The following TMEM117 variants were observed in gnomAD, a reference collection of about 807,000 sequenced individuals.
TMEM117 encodes transmembrane protein 117.
A neutral mutation model predicts 52.4 loss-of-function variants in TMEM117; 27 were observed. The observed-to-expected ratio is 0.51, with a 90% CI of 0.38 to 0.71. The LOEUF (loss-of-function observed/expected upper bound fraction) is 0.71, where lower values mean the gene tolerates loss of function less well. Among genes scored for constraint, TMEM117 ranks in the 30% least tolerant of loss-of-function variants. The pLI, the probability that TMEM117 is intolerant of heterozygous loss-of-function variation, is 0.00. For missense variants in TMEM117, 556 were observed against 630.5 expected (o/e 0.88, Z 1.26); for synonymous variants, 215 against 206.3 (o/e 1.04, Z -0.36).
At chr12:44,369,127 A>G (rs549413021) in intron 6 of TMEM117, among the ~76,000 whole-genome samples, 11 of 152,202 alleles carry the variant, frequency 7.2e-5, no homozygotes, top group African/African-American at 2.6e-4. Context: ...AGGAGTACTG[A>G]TTTTCCATTA....
the TMEM117 span, chr12:43,797,834 C>G: frequency 1.2e-6 from 2 of 1,609,370 alleles, no homozygotes; most frequent in Non-Finnish European, 1.7e-6. Context: ...CAGTCTGTAC[C>G]TAAGTATGAC....
chr12:44,293,403 A>G (rs1950729832), intron 5 of TMEM117, among the ~76,000 whole-genome samples: 1 of 152,080 alleles, frequency 6.6e-6, no homozygotes, highest in Non-Finnish European at 1.5e-5. Flanking sequence ...TTTTAGATTG[A>G]AGAATGTAAT....
chr12:44,284,706 T>C (rs1369823108), intron 5 of TMEM117, among the ~76,000 whole-genome samples: 2 of 152,226 alleles, frequency 1.3e-5, no homozygotes, highest in African/African-American at 4.8e-5. Flanking sequence ...AATAGATGAA[T>C]TTATTCATTC....
chr12:44,191,707 A>G (rs531763234), intron 4 of TMEM117, among the ~76,000 whole-genome samples: 17 of 152,134 alleles, frequency 1.1e-4, no homozygotes, highest in Non-Finnish European at 2.4e-4. Flanking sequence ...CAATCATGTC[A>G]CGAATGCAGG....
chr12:44,176,051 G>T (rs973079892), intron 4 of TMEM117, among the ~76,000 whole-genome samples: 2 of 152,048 alleles, frequency 1.3e-5, no homozygotes, highest in Admixed American at 1.3e-4. Context: ...AGGGGGAGAT[G>T]GGAATAAGGA....
At chr12:44,327,149 G>GA (rs1785488076) in intron 6 of TMEM117, among the ~76,000 whole-genome samples, 1 of 151,618 alleles carries the variant, frequency 6.6e-6, no homozygotes, top group Non-Finnish European at 1.5e-5. Context: ...TCTCTTCTAA[G>GA]AACCTTAACA....
Position 44,266,348 on chromosome 12 carries a change from A to T in TMEM117, c.609-33232A>T, listed in dbSNP as rs1221073190. Among the ~76,000 whole-genome samples, 3 of 151,946 alleles carry T rather than the reference A, an allele frequency of 2.0e-5. No homozygotes were observed. The East Asian group carries it at 5.8e-4, about 29-fold the overall frequency. ...CCTAGTGGATGTGAACTGCTATCTC[A>T]TTTTGATTTGCATTTTCCTAATGAC... is the stretch of plus-strand genomic sequence containing the variant. On this transcript the variant is annotated intron_variant, in intron 5 of 7. Coordinates refer to ENST00000266534, the MANE Select transcript of TMEM117 (RefSeq NM_032256.3).
chr12:44,114,743 TTAG>T (rs1948106784), intron 3 of TMEM117, among the ~76,000 whole-genome samples: 2 of 152,168 alleles, frequency 1.3e-5, no homozygotes, highest in Non-Finnish European at 2.9e-5. Context: ...CACATAAGTA[TTAG>T]TAGAAGTATA....
chr12:44,240,825 A>G (rs1366668033), intron 5 of TMEM117, among the ~76,000 whole-genome samples: 4 of 152,232 alleles, frequency 2.6e-5, no homozygotes, highest in African/African-American at 4.8e-5. Context: ...ATCAATTTAC[A>G]TATATTATTT....
At chr12:44,077,968 G>A (rs763717592) in intron 3 of TMEM117, among the ~76,000 whole-genome samples, 17 of 152,030 alleles carry the variant, frequency 1.1e-4, no homozygotes, top group Non-Finnish European at 2.2e-4. Context: ...TCAAAAGAAG[G>A]AGGAAAAATA....
intron 3 of TMEM117, among the ~76,000 whole-genome samples, chr12:43,990,154 A>T (rs1945914603): frequency 6.6e-6 from 1 of 152,312 alleles, no homozygotes; most frequent in African/African-American, 2.4e-5. Context: ...CTTGAAGTAG[A>T]GGATATTAGA....
At chr12:44,001,136 A>C (rs11182371) in intron 3 of TMEM117, among the ~76,000 whole-genome samples, 7,911 of 152,276 alleles carry the variant, frequency 0.052, 351 homozygotes, top group African/African-American at 0.11. Flanking sequence ...TTCTACATTG[A>C]GGGAACATAT....
chr12:44,211,186 C>A, intron 4 of TMEM117, 104 bp from the exon 5 acceptor site: 1 of 778,860 alleles, frequency 1.3e-6, no homozygotes, highest in Non-Finnish European at 2.1e-6. Flanking sequence ...AATGTTAAAA[C>A]GTATACTTAT....
intron 3 of TMEM117, among the ~76,000 whole-genome samples, chr12:44,104,691 G>A (rs1947922596): frequency 6.6e-6 from 1 of 151,760 alleles, no homozygotes; most frequent in African/African-American, 2.4e-5. Context: ...CTCCATTTTT[G>A]TTCATCTGTG....
chr12:44,062,059 CTCTA>C (rs1212118571), intron 3 of TMEM117, among the ~76,000 whole-genome samples: 1 of 152,104 alleles, frequency 6.6e-6, no homozygotes, highest in East Asian at 1.9e-4. Flanking sequence ...ATATCAATCT[CTCTA>C]TCAAGCACGG....
intron 3 of TMEM117, among the ~76,000 whole-genome samples, chr12:44,003,399 C>T (rs1946144998): frequency 6.6e-6 from 1 of 152,204 alleles, no homozygotes; most frequent in African/African-American, 2.4e-5. Flanking sequence ...GCATTCTGTG[C>T]CTGAATTCCT....
intron 5 of TMEM117, among the ~76,000 whole-genome samples, chr12:44,261,339 C>G (rs1449443072): frequency 6.6e-6 from 1 of 152,188 alleles, no homozygotes; most frequent in African/African-American, 2.4e-5. Context: ...CTCTGCCTAA[C>G]TGGAAAACTA....
intron 3 of TMEM117, among the ~76,000 whole-genome samples, chr12:43,946,261 CAGA>C (rs1945129754): frequency 1.3e-5 from 2 of 151,608 alleles, no homozygotes; most frequent in African/African-American, 2.4e-5. Context: ...GCACTGAGAG[CAGA>C]AGGAGAAGGA....
chr12:43,856,723 CTG>C (rs1409558710), intron 2 of TMEM117, among the ~76,000 whole-genome samples: 2 of 151,814 alleles, frequency 1.3e-5, no homozygotes, highest in Non-Finnish European at 2.9e-5. Context: ...TATTGTGTGA[CTG>C]TGTCAAAATT....
Sources: allele counts gnomAD v4.1 joint callset (sites outside exome capture counted in the v4.1 genomes callset), GRCh38; gene constraint gnomAD v4.1.1; transcripts MANE v1.5; gene names NCBI Gene and HGNC (gene_info 2026-07-23, HGNC 2026-07-21).